Variants in AHCTF1 observed in about 807,000 individuals in gnomAD.
The protein encoded by AHCTF1 is protein ELYS.
In AHCTF1, 24 loss-of-function variants were observed where a neutral mutation model predicts 248.4. The ratio of observed to expected loss-of-function variants is 0.10; its 90% CI spans 0.07 to 0.14. The LOEUF is 0.14. Among genes scored for constraint, AHCTF1 ranks in the 10% least tolerant of loss-of-function variants. AHCTF1 has a pLI of 1.00. For missense variants in AHCTF1, 2,206 were observed against 2,636.2 expected (o/e 0.84, Z 3.57); for synonymous variants, 786 against 929.8 (o/e 0.85, Z 2.81).
At chr1:246,864,967 C>CAA (rs1443116673) in intron 26 of AHCTF1, among the ~76,000 whole-genome samples, 2 of 148,958 alleles carry the variant, frequency 1.3e-5, no homozygotes, top group African/African-American at 2.4e-5. Context: ...TGACAAAGTA[C>CAA]AACTTTAAGA....
intron 2 of AHCTF1, 117 bp from the exon 3 acceptor site, chr1:246,916,512 C>G (rs745798503): frequency 2.9e-5 from 26 of 911,782 alleles, no homozygotes; most frequent in Non-Finnish European, 4.1e-5. Flanking sequence ...ATATTATCTC[C>G]ACATTGAAAT....
At position 246,850,637 on chromosome 1, in the gene AHCTF1, T is replaced by G. The variant is rs759984160; in HGVS notation, c.5369A>C (p.Tyr1790Ser). ...KEISEASENI[Y>S]SDVRGLSQNQ... The stretch of plus-strand genomic sequence containing the variant: ...CTGAGATAGTCCTCTGACATCAGAA[T>G]AGATGTTTTCAGAAGCTTCAGAAAT... Residue 1790 changes from tyrosine to serine, a missense_variant, in exon 33 of 36, where the codon TAT (tyrosine) becomes TCT (serine). Coordinates refer to ENST00000648844, the MANE Select transcript of AHCTF1 (RefSeq NM_001323342.2). 6.2e-7 allele frequency: 1 copy of G among 1,613,774 alleles called. No homozygotes were observed. Among genetic ancestry groups the G allele is most frequent in the African/African-American group, 1.3e-5 (1 of 74,902 alleles).
intron 29 of AHCTF1, 35 bp from the exon 30 acceptor site, chr1:246,857,849 T>C (rs370331065): frequency 1.3e-6 from 2 of 1,551,592 alleles, no homozygotes; most frequent in Non-Finnish European, 1.8e-6. Context: ...TTATTTATGC[T>C]AAATATTTAG....
At chr1:246,846,267 C>A (rs187334222) in intron 33 of AHCTF1, among the ~76,000 whole-genome samples, 59 of 151,676 alleles carry the variant, frequency 3.9e-4, no homozygotes, top group African/African-American at 1.4e-3. Flanking sequence ...TATACCTATA[C>A]CCAGTCTTCT....
At chr1:246,898,470 T>C in intron 11 of AHCTF1, 134 bp from the exon 12 acceptor site, 1 of 988,570 alleles carries the variant, frequency 1.0e-6, no homozygotes, top group Non-Finnish European at 1.5e-6. Flanking sequence ...CTATATTTCC[T>C]GCAAGAAACA....
At chr1:246,845,262 T>C (rs1346771793) in intron 33 of AHCTF1, among the ~76,000 whole-genome samples, 2 of 151,460 alleles carry the variant, frequency 1.3e-5, no homozygotes, top group South Asian at 2.1e-4. Context: ...GGGTACACAG[T>C]AGGTGTATAT....
chr1:246,931,094 C>T, intron 1 of AHCTF1: 1 of 1,547,044 alleles, frequency 6.5e-7, no homozygotes, highest in Non-Finnish European at 8.7e-7. Context: ...CGGCTGAGCC[C>T]CGAGTCCAAC....
chr1:246,878,532 A>G (rs909021201), intron 21 of AHCTF1, among the ~76,000 whole-genome samples: 5 of 152,150 alleles, frequency 3.3e-5, no homozygotes, highest in Non-Finnish European at 5.9e-5. Context: ...TATGAAAATG[A>G]CAAAACATTA....
intron 2 of AHCTF1, among the ~76,000 whole-genome samples, chr1:246,916,674 A>G (rs1237595845): frequency 6.6e-6 from 1 of 152,022 alleles, no homozygotes. Context: ...AATAATAGTC[A>G]TTCAGTAAAA....
chr1:246,902,641 T>A lies in AHCTF1; in HGVS notation c.1001A>T (p.Asp334Val), dbSNP rs781085031. Residue 334 changes from aspartate (D) to valine (V), a missense_variant, in exon 8 of 36, where the codon GAC (aspartate) becomes GTC (valine). This residue lies in a region of AHCTF1 where 650 missense variants were observed against 870.8 expected (regional missense o/e 0.75). Coordinates refer to ENST00000648844, the MANE Select transcript of AHCTF1 (RefSeq NM_001323342.2). ...LEYCEERYTL[D>V]LTGGMFPLRG... ...CAAAGGGAACATGCCACCTGTCAGG[T>A]CCAGGGTGTATCTTTCTTCACAGTA... 3 of 1,613,428 alleles carry A rather than the reference T, an allele frequency of 1.9e-6. No individual in the cohort carries two copies. The highest frequency in any genetic ancestry group is 2.5e-6 in the Non-Finnish European group (3 of 1,179,798).
intron 1 of AHCTF1, among the ~76,000 whole-genome samples, chr1:246,921,790 C>T (rs971226517): frequency 6.6e-5 from 10 of 151,948 alleles, no homozygotes; most frequent in Middle Eastern, 3.2e-3. Flanking sequence ...TTAACAAATA[C>T]GAAATATGTT....
rs747049667 is a variant in AHCTF1 at position 246,864,065 on chromosome 1, C to T, written c.3399G>A (p.Glu1133=). The T allele has an allele frequency of 3.7e-6, 6 of 1,614,020 alleles. No individual in the cohort carries two copies. Among genetic ancestry groups the T allele is most frequent in the Admixed American group, 1.7e-5 (1 of 59,998 alleles). ...ATTTCATGGAGCTTTGCTGAATAAA[C>T]TCCGAACACTGAGAAGGCCGGGGGA... The part of the protein sequence containing the change: ...QPVPRPSQCS[E]FIQQSSMKSP... Residue 1133 remains glutamate (E), a synonymous_variant, in exon 27 of 36, where the codon GAG becomes GAA. Transcript: ENST00000648844.
At chr1:246,927,621 G>A (rs1667031895) in intron 1 of AHCTF1, among the ~76,000 whole-genome samples, 1 of 152,248 alleles carries the variant, frequency 6.6e-6, no homozygotes, top group African/African-American at 2.4e-5. Flanking sequence ...TGCCAGCACT[G>A]GCAACCTATA....
intron 24 of AHCTF1, among the ~76,000 whole-genome samples, chr1:246,870,649 C>T (rs1453374799): frequency 6.7e-6 from 1 of 148,694 alleles, no homozygotes; most frequent in South Asian, 2.1e-4. Context: ...ATTTTAATTA[C>T]TAGCTCCTCT....
chr1:246,929,339 G>A (rs1417598319), intron 1 of AHCTF1, among the ~76,000 whole-genome samples: 2 of 152,096 alleles, frequency 1.3e-5, no homozygotes, highest in Non-Finnish European at 2.9e-5. Context: ...AGCCCTGGAG[G>A]CGAAGGTTGC....
intron 27 of AHCTF1, 78 bp from the exon 28 acceptor site, chr1:246,862,231 T>G: frequency 1.9e-6 from 2 of 1,058,660 alleles, no homozygotes; most frequent in Non-Finnish European, 2.6e-6. Context: ...CTGTAATCCC[T>G]GCACTTTGGG....
chr1:246,860,332 A>G (rs1008877685), intron 29 of AHCTF1, among the ~76,000 whole-genome samples: 1 of 152,200 alleles, frequency 6.6e-6, no homozygotes, highest in African/African-American at 2.4e-5. Flanking sequence ...AGCTACTGGA[A>G]GGACTTTCAA....
intron 15 of AHCTF1, 52 bp downstream of exon 15, chr1:246,891,727 G>A: frequency 5.7e-6 from 9 of 1,579,244 alleles, no homozygotes; most frequent in Admixed American, 1.8e-5. Context: ...GTTTCTCTTA[G>A]TCAAGAAGTA....
chr1:246,902,799 A>G, intron 7 of AHCTF1, 124 bp from the exon 8 acceptor site: 1 of 925,172 alleles, frequency 1.1e-6, no homozygotes, highest in South Asian at 3.0e-5. Context: ...GACTGAAGAG[A>G]ACCAATCATG....
Sources: allele counts gnomAD v4.1 joint callset (sites outside exome capture counted in the v4.1 genomes callset), GRCh38; gene constraint gnomAD v4.1.1; regional missense constraint gnomAD v4.1.1; transcripts MANE v1.5; gene names NCBI Gene and HGNC (gene_info 2026-07-23, HGNC 2026-07-21).